Variants in MTUS2 observed in about 807,000 individuals in gnomAD.
MTUS2 encodes microtubule associated scaffold protein 2, also known as microtubule-associated tumor suppressor candidate 2.
In MTUS2, 40 loss-of-function variants were observed where a neutral mutation model predicts 114.1. The ratio of observed to expected loss-of-function variants is 0.35; its 90% confidence interval spans 0.27 to 0.46. The LOEUF is 0.46. Among genes scored for constraint, MTUS2 ranks in the 20% least tolerant of loss-of-function variants. MTUS2 has a pLI of 1.00. For missense variants in MTUS2, 1,679 were observed against 1,705.4 expected, an observed-to-expected ratio of 0.98 and a Z score of 0.27; for synonymous variants, 688 against 672.0, an observed-to-expected ratio of 1.02 and a Z score of -0.37.
chr13:29,219,341 A>G (rs1895813731), intron 5 of MTUS2, among the ~76,000 whole-genome samples: 1 of 149,394 alleles, frequency 6.7e-6, no homozygotes. Context: ...CATGGTGTAT[A>G]TGTGCCACAT....
intron 7 of MTUS2, among the ~76,000 whole-genome samples, chr13:29,328,194 T>C (rs867078049): frequency 1.0e-5 from 1 of 99,598 alleles, no homozygotes; most frequent in African/African-American, 2.6e-5. Flanking sequence ...TTTCCATATA[T>C]GAAAATACAT....
intron 4 of MTUS2, among the ~76,000 whole-genome samples, chr13:29,037,343 C>A (rs1304966905): frequency 2.0e-5 from 3 of 152,186 alleles, no homozygotes; most frequent in Non-Finnish European, 2.9e-5. Flanking sequence ...TTGGCTCCCA[C>A]TCTCTTCTGG....
At chr13:29,319,919 G>A (rs1307397462) in intron 6 of MTUS2, among the ~76,000 whole-genome samples, 1 of 152,170 alleles carries the variant, frequency 6.6e-6, no homozygotes, top group Non-Finnish European at 1.5e-5. Context: ...TAGAGACCAA[G>A]CAGTTAGTGA....
intron 5 of MTUS2, among the ~76,000 whole-genome samples, chr13:29,199,826 C>G (rs909843355): frequency 2.6e-5 from 4 of 151,910 alleles, no homozygotes; most frequent in Non-Finnish European, 4.4e-5. Context: ...CTGTCCTGGG[C>G]CTTTTATCTT....
chr13:29,129,495 A>G (rs1018203875), intron 5 of MTUS2, among the ~76,000 whole-genome samples: 22 of 152,196 alleles, frequency 1.4e-4, no homozygotes, highest in African/African-American at 5.3e-4. Context: ...TGTTTAAACA[A>G]AGAGGTTCAG....
At chr13:29,360,431 G>T (rs1199272135) in intron 8 of MTUS2, among the ~76,000 whole-genome samples, 1 of 152,120 alleles carries the variant, frequency 6.6e-6, no homozygotes, top group African/African-American at 2.4e-5. Flanking sequence ...AGAAGCCTGA[G>T]CTGCTCTTTT....
At chr13:28,948,608 C>T (rs1031251054) in intron 2 of MTUS2, among the ~76,000 whole-genome samples, 1 of 152,116 alleles carries the variant, frequency 6.6e-6, no homozygotes, top group Non-Finnish European at 1.5e-5. Flanking sequence ...TATTTCTACC[C>T]TCTCATAAAA....
At chr13:28,850,367 TTG>T (rs1238063744) in intron 2 of MTUS2, among the ~76,000 whole-genome samples, 1 of 151,626 alleles carries the variant, frequency 6.6e-6, no homozygotes, top group African/African-American at 2.4e-5. Flanking sequence ...GTGTCTCTTG[TTG>T]TGCTCTGATC....
chr13:29,272,809 A>G (rs9634354), intron 5 of MTUS2, among the ~76,000 whole-genome samples: 69,854 of 152,064 alleles, frequency 0.46, 16,876 homozygotes, highest in Non-Finnish European at 0.55. Context: ...TTGTGCTGCT[A>G]TAACAAAATA....
intron 2 of MTUS2, among the ~76,000 whole-genome samples, chr13:28,846,745 C>T (rs188860179): frequency 6.6e-5 from 10 of 152,308 alleles, no homozygotes; most frequent in Admixed American, 5.2e-4. Context: ...AAGAGGGTAT[C>T]AGGACTCATC....
intron 6 of MTUS2, 111 bp from the exon 7 acceptor site, chr13:29,324,502 T>C (rs1240039900): frequency 1.4e-6 from 1 of 714,718 alleles, no homozygotes; most frequent in Non-Finnish European, 2.4e-6. Context: ...CAAATATTTC[T>C]TTTGTTGATA....
chr13:28,982,693 C>T (rs920765322), intron 2 of MTUS2, among the ~76,000 whole-genome samples: 1 of 152,154 alleles, frequency 6.6e-6, no homozygotes, highest in Non-Finnish European at 1.5e-5. Context: ...ATTATTCAGC[C>T]TTGGGAAGGA....
rs879598308 is a variant in MTUS2, at chr13:29,370,452, ACATAGCTG to A, written c.3117+10980_3117+10987del. ...TAGCCTCTGCACTCCAGCCTGGGCA[ACATAGCTG>A]GAGACCCTGTCTCTTGAAAGAAAGA... On this transcript the variant is annotated intron_variant, in intron 8 of 15. Transcript: ENST00000612955. Among the ~76,000 whole-genome samples, 48 of 152,188 alleles carry A rather than the reference ACATAGCTG, an allele frequency of 3.2e-4. 1 individual carries two copies. The highest frequency in any genetic ancestry group is 6.0e-4 in the Non-Finnish European group (41 of 68,022).
Position 28,833,506 on chromosome 13 carries a change from A to T in MTUS2, c.-315-6272A>T, listed in dbSNP as rs528817034. On this transcript the variant is annotated intron_variant, in intron 1 of 15. Coordinates refer to ENST00000612955, the MANE Select transcript of MTUS2 (RefSeq NM_001033602.4). ...AAACAAACAAAAAAACCACTTGACA[A>T]ATTCAAACAGCACTTCATGATAAAA... Among the ~76,000 whole-genome samples the T allele has an allele frequency of 1.5e-3, 223 of 152,254 alleles. 1 individual carries two copies. Among genetic ancestry groups the T allele is most frequent in the African/African-American group, 5.2e-3 (215 of 41,578 alleles).
chr13:28,869,581 G>A (rs1015014162), intron 2 of MTUS2, among the ~76,000 whole-genome samples: 5 of 152,086 alleles, frequency 3.3e-5, no homozygotes, highest in Non-Finnish European at 5.9e-5. Context: ...GACCATTCTG[G>A]CCAACATGGT....
chr13:29,275,385 A>G (rs186781768), intron 5 of MTUS2, among the ~76,000 whole-genome samples: 1 of 152,092 alleles, frequency 6.6e-6, no homozygotes, highest in East Asian at 1.9e-4. Context: ...ATCTAGTTAT[A>G]CTCTTTTAGT....
intron 6 of MTUS2, chr13:29,307,656 C>A: frequency 8.8e-7 from 1 of 1,137,796 alleles, no homozygotes; most frequent in Non-Finnish European, 1.3e-6. Flanking sequence ...CCCACTCTTC[C>A]ACCTTCGACG....
chr13:28,963,156 C>A (rs1883409685), intron 2 of MTUS2, among the ~76,000 whole-genome samples: 1 of 152,076 alleles, frequency 6.6e-6, no homozygotes, highest in Admixed American at 6.6e-5. Context: ...TCGAGACCAT[C>A]CTAGCTAACA....
chr13:29,095,014 ACCAC>A (rs1241018684), intron 4 of MTUS2, among the ~76,000 whole-genome samples: 1 of 152,056 alleles, frequency 6.6e-6, no homozygotes, highest in Non-Finnish European at 1.5e-5. Context: ...TTCTGTTATG[ACCAC>A]AGAACATACT....
Sources: allele counts gnomAD v4.1 joint callset (sites outside exome capture counted in the v4.1 genomes callset), GRCh38; gene constraint gnomAD v4.1.1; transcripts MANE v1.5; gene names NCBI Gene and HGNC (gene_info 2026-07-23, HGNC 2026-07-21).